Variants in GABRB1 observed in about 807,000 individuals in gnomAD.
GABRB1 encodes the protein gamma-aminobutyric acid receptor subunit beta-1.
In GABRB1, 17 loss-of-function variants were observed where a neutral mutation model predicts 51.6. The observed-to-expected ratio is 0.33, with a 90% CI of 0.23 to 0.49. The LOEUF (loss-of-function observed/expected upper bound fraction) is 0.49, where lower values mean the gene tolerates loss of function less well. GABRB1 is among the 20% of genes least tolerant of loss of function. The pLI, the probability that GABRB1 is intolerant of heterozygous loss-of-function variation, is 0.99. For missense variants in GABRB1, 410 were observed against 600.6 expected (o/e 0.68, Z 3.32); for synonymous variants, 247 against 218.9 (o/e 1.13, Z -1.14).
At chr4:47,046,405 C>T (rs572996989) in intron 3 of GABRB1, among the ~76,000 whole-genome samples, 26 of 152,048 alleles carry the variant, frequency 1.7e-4, no homozygotes, top group African/African-American at 5.8e-4. Flanking sequence ...TTTGTAAAAG[C>T]AAAGGTACTT....
chr4:47,368,393 T>C (rs1478097939), intron 5 of GABRB1, among the ~76,000 whole-genome samples: 1 of 152,074 alleles, frequency 6.6e-6, no homozygotes, highest in Non-Finnish European at 1.5e-5. Context: ...CTGGTGACAT[T>C]TGGCAATGTC....
chr4:47,010,711 T>C (rs1221012840), intron 1 of GABRB1, among the ~76,000 whole-genome samples: 1 of 152,246 alleles, frequency 6.6e-6, no homozygotes, highest in African/African-American at 2.4e-5. Flanking sequence ...GGCTCTGACC[T>C]AGTGTCATCC....
intron 5 of GABRB1, among the ~76,000 whole-genome samples, chr4:47,380,940 C>G (rs550584542): frequency 1.3e-5 from 2 of 152,108 alleles, no homozygotes; most frequent in African/African-American, 4.8e-5. Context: ...TATACTTCCT[C>G]GATTCAGCAA....
rs535141990 is a variant in GABRB1, at chr4:47,127,287, A to G, written c.241-33962A>G. On this transcript the variant is annotated intron_variant, in intron 3 of 8. Transcript: ENST00000295454. ...ATAAAGAACTGGAATTGTAAAACAG[A>G]TTATAACACATGCTAAAAATATATA... is the stretch of plus-strand genomic sequence containing the variant. Among the ~76,000 whole-genome samples, 6 of 151,940 alleles carry G rather than the reference A, an allele frequency of 3.9e-5. No individual in the cohort carries two copies. In the South Asian group the frequency reaches 1.2e-3, roughly 32 times the overall value.
intron 5 of GABRB1, among the ~76,000 whole-genome samples, chr4:47,384,026 C>T (rs1178486100): frequency 6.6e-6 from 1 of 151,766 alleles, no homozygotes; most frequent in East Asian, 1.9e-4. Flanking sequence ...TCTTGAGTGC[C>T]CTCTACAGGA....
chr4:47,234,558 C>T (rs1019934967), intron 4 of GABRB1, among the ~76,000 whole-genome samples: 4 of 151,982 alleles, frequency 2.6e-5, no homozygotes, highest in Non-Finnish European at 5.9e-5. Context: ...CCTTTACCAT[C>T]GCTTCATTTT....
chr4:47,027,496 A>T (rs892320262), upstream of GABRB1, among the ~76,000 whole-genome samples: 1 of 151,706 alleles, frequency 6.6e-6, no homozygotes, highest in African/African-American at 2.4e-5. Flanking sequence ...GCATTTTCAT[A>T]TAGCTAAAGT....
chr4:47,154,257 GTT>G (rs66516518), intron 3 of GABRB1, among the ~76,000 whole-genome samples: 2 of 137,436 alleles, frequency 1.5e-5, no homozygotes, highest in Non-Finnish European at 1.5e-5. Flanking sequence ...AATTATGGTT[GTT>G]TTTTTTTTTT....
intron 4 of GABRB1, among the ~76,000 whole-genome samples, chr4:47,227,727 A>G (rs761019138): frequency 3.9e-5 from 6 of 152,154 alleles, no homozygotes; most frequent in Non-Finnish European, 8.8e-5. Flanking sequence ...GCGATAGACT[A>G]GGTGTCTTAA....
chr4:47,215,970 A>G (rs1235751898), intron 4 of GABRB1, among the ~76,000 whole-genome samples: 1 of 152,056 alleles, frequency 6.6e-6, no homozygotes, highest in African/African-American at 2.4e-5. Context: ...ATCACATTTT[A>G]TGTTACCTTT....
At chr4:47,356,354 T>C (rs994376763) in intron 5 of GABRB1, among the ~76,000 whole-genome samples, 8 of 152,204 alleles carry the variant, frequency 5.3e-5, no homozygotes, top group African/African-American at 1.9e-4. Flanking sequence ...AACTTTCAAG[T>C]ACATGTATTT....
intron 8 of GABRB1, among the ~76,000 whole-genome samples, chr4:47,415,521 G>T (rs930074636): frequency 3.3e-5 from 5 of 152,042 alleles, no homozygotes; most frequent in Non-Finnish European, 7.3e-5. Flanking sequence ...ATATTTTCAC[G>T]CAGAAGTCAA....
At chr4:47,063,215 G>C (rs1577872904) in intron 3 of GABRB1, among the ~76,000 whole-genome samples, 1 of 152,064 alleles carries the variant, frequency 6.6e-6, no homozygotes, top group African/African-American at 2.4e-5. Context: ...TGCCAAGCAG[G>C]CTCCCAGGTC....
intron 5 of GABRB1, among the ~76,000 whole-genome samples, chr4:47,356,667 T>C (rs1578119002): frequency 6.6e-6 from 1 of 152,146 alleles, no homozygotes; most frequent in Non-Finnish European, 1.5e-5. Context: ...TAAACCTTAA[T>C]AGAAATGGCT....
chr4:47,050,633 A>G (rs942395433), intron 3 of GABRB1, among the ~76,000 whole-genome samples: 1 of 152,178 alleles, frequency 6.6e-6, no homozygotes, highest in Non-Finnish European at 1.5e-5. Flanking sequence ...ATGGCTTGCT[A>G]TAAGTAGACA....
At chr4:47,185,578 G>C (rs968194118) in intron 4 of GABRB1, among the ~76,000 whole-genome samples, 2 of 151,726 alleles carry the variant, frequency 1.3e-5, no homozygotes, top group Non-Finnish European at 2.9e-5. Flanking sequence ...AAATGGTATG[G>C]TGTATTATCA....
intron 4 of GABRB1, among the ~76,000 whole-genome samples, chr4:47,226,612 C>G (rs1720951934): frequency 6.6e-6 from 1 of 152,066 alleles, no homozygotes; most frequent in Non-Finnish European, 1.5e-5. Flanking sequence ...ATATAAAACA[C>G]AGAAAGAGGG....
At chr4:47,320,763 CTT>C (rs1264288318) in intron 5 of GABRB1, among the ~76,000 whole-genome samples, 1 of 113,316 alleles carries the variant, frequency 8.8e-6, no homozygotes, top group African/African-American at 3.1e-5. Flanking sequence ...GTTTTCTTTT[CTT>C]TTTTCTTTTT....
At chr4:47,084,845 A>G (rs1727998107) in intron 3 of GABRB1, among the ~76,000 whole-genome samples, 2 of 152,196 alleles carry the variant, frequency 1.3e-5, no homozygotes, top group Admixed American at 6.5e-5. Context: ...ACCCACTTTG[A>G]GTTGGCCCAT....
Sources: allele counts gnomAD v4.1 joint callset (sites outside exome capture counted in the v4.1 genomes callset), GRCh38; gene constraint gnomAD v4.1.1; transcripts MANE v1.5; gene names NCBI Gene and HGNC (gene_info 2026-07-23, HGNC 2026-07-21).